The following NCBP1 variants were observed in gnomAD, a reference collection of about 807,000 sequenced individuals.
NCBP1 encodes the protein nuclear cap binding protein subunit 1.
Under a neutral mutation model 111.7 loss-of-function variants are expected in NCBP1, and 16 were observed. The observed-to-expected ratio is 0.14, with a 90% CI of 0.10 to 0.22. The LOEUF is 0.22. Ranked by LOEUF, NCBP1 falls within the 10% of genes least tolerant of loss-of-function variation. The pLI, the probability that NCBP1 is intolerant of heterozygous loss-of-function variation, is 1.00. For synonymous variants in NCBP1, 304 were observed against 314.3 expected (o/e 0.97, Z 0.35); for missense variants, 607 against 957.5 (o/e 0.63, Z 4.83).
intron 14 of NCBP1, among the ~76,000 whole-genome samples, chr9:97,657,505 C>T (rs7869683): frequency 0.12 from 17,976 of 152,152 alleles, 3,016 homozygotes; most frequent in African/African-American, 0.37. Flanking sequence ...GATGTTAATC[C>T]TGATCCACCT....
At position 97,641,528 on chromosome 9, in the gene NCBP1, A is replaced by G. The variant is rs376141802; in HGVS notation, c.124-34A>G. 7.9e-6 allele frequency: 12 copies of G among 1,516,296 alleles called. No homozygotes were observed. The African/African-American group carries it at 9.7e-5, about 12-fold the overall frequency. 93.9% of individuals were successfully genotyped at this position (1,516,296 alleles called of 1,614,324 possible). ...TAAAAATAAATTTATGTTGCTGAGTACTTGACAGATATTTAATGTGATGTC... is the reference window on the plus strand; with the variant it reads ...TAAAAATAAATTTATGTTGCTGAGTGCTTGACAGATATTTAATGTGATGTC... On this transcript the variant is annotated intron_variant, in intron 2 of 22. Transcript: ENST00000375147.
At chr9:97,662,819 C>T in intron 17 of NCBP1, 135 bp from the exon 18 acceptor site, 1 of 637,874 alleles carries the variant, frequency 1.6e-6, no homozygotes, top group South Asian at 2.2e-5. Context: ...TTTTTGCATC[C>T]TTAATGGTTA....
At chr9:97,641,717 A>T (rs1472209051) in intron 3 of NCBP1, 55 bp downstream of exon 3, 2 of 1,446,354 alleles carry the variant, frequency 1.4e-6, no homozygotes, top group South Asian at 1.4e-5. Context: ...CTACTCTTAA[A>T]TGCTTTGGGA....
At chr9:97,664,927 A>G (rs922867679) in intron 19 of NCBP1, among the ~76,000 whole-genome samples, 1 of 152,208 alleles carries the variant, frequency 6.6e-6, no homozygotes, top group African/African-American at 2.4e-5. Flanking sequence ...TTCTCACCAC[A>G]GTCATAATCT....
At chr9:97,655,863 CTATT>C in intron 13 of NCBP1, 99 bp downstream of exon 13, 1 of 1,375,332 alleles carries the variant, frequency 7.3e-7, no homozygotes, top group East Asian at 2.3e-5. Context: ...TTCTTGGAAA[CTATT>C]TGTAGTTAAG....
At chr9:97,661,256 T>C (rs1041279712) in intron 16 of NCBP1, among the ~76,000 whole-genome samples, 188 bp downstream of exon 16, 2 of 152,332 alleles carry the variant, frequency 1.3e-5, no homozygotes, top group East Asian at 1.9e-4. Context: ...TTCTGTGATA[T>C]AGCTTACTTA....
chr9:97,645,019 T>A, intron 4 of NCBP1, 98 bp from the exon 5 acceptor site: 1 of 876,896 alleles, frequency 1.1e-6, no homozygotes. Flanking sequence ...TAGGCTATAG[T>A]TTTTTAGACC....
At chr9:97,645,845 AG>A (rs1313166727) in intron 6 of NCBP1, 113 bp downstream of exon 6, 1 of 1,293,226 alleles carries the variant, frequency 7.7e-7, no homozygotes, top group African/African-American at 1.5e-5. Context: ...GGTATTTTCT[AG>A]GTAATCCTGT....
chr9:97,663,069 A>G (rs1202023409), intron 18 of NCBP1, 22 bp downstream of exon 18: 1 of 1,536,612 alleles, frequency 6.5e-7, no homozygotes. Context: ...TTAATTAGAC[A>G]TGTTGAAGCT....
At chr9:97,662,165 TTGC>T (rs771938531) in intron 17 of NCBP1, 21 bp downstream of exon 17, 5 of 1,578,854 alleles carry the variant, frequency 3.2e-6, no homozygotes. Flanking sequence ...GTACAGAGCC[TTGC>T]TTGAGAGTTT....
rs1384657092 is a variant in NCBP1, at chr9:97,654,935, G to A, written c.1226G>A (p.Cys409Tyr). ...YMRLDTMNTT[C>Y]VDRFINWFSH... is the part of the protein sequence containing the mutation. ...CGTTTGGACACAATGAACACTACCT[G>A]TGTAGACAGGTACAGTAATCGCTTT... Residue 409 changes from cysteine to tyrosine, a missense_variant, in exon 12 of 23, where the codon TGT (cysteine) becomes TAT (tyrosine). By Grantham distance (194) the Cys-to-Tyr change is radical (BLOSUM62 -2). Transcript: ENST00000375147. 2 of 1,603,084 alleles carry A rather than the reference G, an allele frequency of 1.2e-6. No individual in the cohort carries two copies. Among genetic ancestry groups the A allele is most frequent in the Non-Finnish European group, 1.7e-6 (2 of 1,175,780 alleles).
chr9:97,670,872 T>C (rs1288964997), intron 22 of NCBP1, among the ~76,000 whole-genome samples: 1 of 152,208 alleles, frequency 6.6e-6, no homozygotes, highest in Non-Finnish European at 1.5e-5. Context: ...GAACTGGATT[T>C]TTTAAAAAGC....
chr9:97,664,750 C>G (rs1209073747), intron 19 of NCBP1, among the ~76,000 whole-genome samples: 1 of 152,144 alleles, frequency 6.6e-6, no homozygotes, highest in Non-Finnish European at 1.5e-5. Flanking sequence ...TGTGCAGAGT[C>G]TCAGCTAGTC....
intron 1 of NCBP1, among the ~76,000 whole-genome samples, chr9:97,639,093 CAT>C (rs1377047450): frequency 6.6e-6 from 1 of 152,156 alleles, no homozygotes; most frequent in East Asian, 1.9e-4. Flanking sequence ...CTGTGCCACA[CAT>C]GTCTACAACT....
chr9:97,637,991 A>C (rs1443336566), intron 1 of NCBP1, among the ~76,000 whole-genome samples: 2 of 147,662 alleles, frequency 1.4e-5, no homozygotes, highest in Non-Finnish European at 3.0e-5. Context: ...TTTACATTTT[A>C]AAACTTTTAC....
chr9:97,642,244 A>G (rs1827224444), intron 3 of NCBP1, among the ~76,000 whole-genome samples: 1 of 152,146 alleles, frequency 6.6e-6, no homozygotes, highest in Admixed American at 6.5e-5. Context: ...ATCCTTTATT[A>G]AAATGGAGTA....
At chr9:97,645,028 C>T in intron 4 of NCBP1, 89 bp from the exon 5 acceptor site, 2 of 948,596 alleles carry the variant, frequency 2.1e-6, no homozygotes, top group Non-Finnish European at 3.3e-6. Context: ...GTTTTTTAGA[C>T]CAATAGTTTA....
chr9:97,641,713 T>C, intron 3 of NCBP1, 51 bp downstream of exon 3: 1 of 1,464,542 alleles, frequency 6.8e-7, no homozygotes, highest in African/African-American at 1.4e-5. Flanking sequence ...TTATCTACTC[T>C]TAAATGCTTT....
chr9:97,646,464 T>C (rs999635554), intron 6 of NCBP1, among the ~76,000 whole-genome samples: 1 of 152,216 alleles, frequency 6.6e-6, no homozygotes, highest in African/African-American at 2.4e-5. Flanking sequence ...CATTTTCTCT[T>C]TTTTAAGTGC....
Sources: gnomAD v4.1 joint callset for allele counts (sites outside exome capture counted in the v4.1 genomes callset) on GRCh38, gnomAD v4.1.1 for gene constraint, MANE v1.5 for transcripts, NCBI Gene and HGNC (gene_info 2026-07-23, HGNC 2026-07-21) for gene names.